Variants in ERC1 observed in about 807,000 individuals in gnomAD.
The protein encoded by ERC1 is ELKS/RAB6-interacting/CAST family member 1.
A neutral mutation model predicts 132.0 loss-of-function variants in ERC1; 56 were observed. That is an observed-to-expected ratio of 0.42 (90% CI 0.34 to 0.53). The LOEUF is 0.53. ERC1 is among the 20% of genes least tolerant of loss of function. ERC1 has a pLI of 0.03. For missense variants in ERC1, 1,202 were observed against 1,349.9 expected (o/e 0.89, Z 1.72); for synonymous variants, 478 against 476.1 (o/e 1.00, Z -0.05).
chr12:1,356,199 CAAA>C (rs559125501), intron 15 of ERC1, among the ~76,000 whole-genome samples: 5 of 110,584 alleles, frequency 4.5e-5, no homozygotes, highest in South Asian at 3.0e-4. Context: ...GTGAGACTGT[CAAA>C]AAAAAAAAAA....
intron 15 of ERC1, among the ~76,000 whole-genome samples, chr12:1,293,730 TAACC>T (rs1482316683): frequency 6.6e-6 from 1 of 151,896 alleles, no homozygotes; most frequent in Non-Finnish European, 1.5e-5. Context: ...TGTAAATAGT[TAACC>T]AAATTATATC....
rs1278677788 is a variant in ERC1 at position 1,373,913 on chromosome 12, G to A, written c.2925+1936G>A. On this transcript the variant is annotated intron_variant, in intron 16 of 18. Coordinates refer to ENST00000360905, the MANE Select transcript of ERC1 (RefSeq NM_178040.4). ...CATGCCTTGAATTTTCTGTAGCGATGTGTCCTGTATGAAGAGAAAAATAAT... is the reference window on the plus strand; with the variant it reads ...CATGCCTTGAATTTTCTGTAGCGATATGTCCTGTATGAAGAGAAAAATAAT... 3.3e-5 allele frequency among the ~76,000 whole-genome samples: 5 copies of A among 152,232 alleles called. No individual in the cohort carries two copies. In the East Asian group the frequency reaches 7.7e-4, roughly 23 times the overall value.
At chr12:1,464,582 C>T (rs55888927) in intron 18 of ERC1, among the ~76,000 whole-genome samples, 7,336 of 131,436 alleles carry the variant, frequency 0.056, 227 homozygotes, top group African/African-American at 0.073. Context: ...TTCAGTGGAG[C>T]GATCTCAGCT....
At chr12:1,267,120 A>G (rs1403925163) in intron 14 of ERC1, among the ~76,000 whole-genome samples, 1 of 152,218 alleles carries the variant, frequency 6.6e-6, no homozygotes, top group Non-Finnish European at 1.5e-5. Context: ...AGCCCATGCT[A>G]GAAATTTAGA....
intron 3 of ERC1, among the ~76,000 whole-genome samples, chr12:1,084,629 T>C (rs1341429625): frequency 6.6e-6 from 1 of 152,114 alleles, no homozygotes; most frequent in Non-Finnish European, 1.5e-5. Context: ...AAAGTATTGT[T>C]ACCTAGTAGT....
intron 12 of ERC1, among the ~76,000 whole-genome samples, chr12:1,225,469 C>CACACACACAG (rs2074501031): frequency 6.6e-6 from 1 of 151,652 alleles, no homozygotes; most frequent in South Asian, 2.1e-4. Context: ...CACACACACA[C>CACACACACAG]ACACACACAC....
At chr12:1,485,137 C>T (rs2094183874) in intron 18 of ERC1, among the ~76,000 whole-genome samples, 1 of 151,658 alleles carries the variant, frequency 6.6e-6, no homozygotes, top group Non-Finnish European at 1.5e-5. Flanking sequence ...GATCTGCCTG[C>T]CTCAGCCTCC....
rs56939346 is a variant in ERC1, at chr12:1,493,548, A to AAAAAAATATAT, written c.*3319_*3320insAAAAATATATA. The stretch of plus-strand genomic sequence containing the variant: ...ACTCCATTTAAAAAAAAAAAAAAAA[A>AAAAAAATATAT]ATATATATATATATATATATATATA... On this transcript the variant is annotated 3_prime_UTR_variant, in exon 19 of 19. Transcript: ENST00000360905. 2.2e-4 allele frequency: 3 copies of AAAAAAATATAT among 13,618 alleles called. No individual in the cohort carries two copies. The highest frequency in any genetic ancestry group is 4.4e-4 in the Non-Finnish European group (3 of 6,820). 0.8% of individuals were successfully genotyped at this position (13,618 alleles called of 1,614,324 possible). A position where few individuals can be genotyped will look rare whatever the true frequency, so the allele number is the denominator to read the frequency against.
intron 15 of ERC1, among the ~76,000 whole-genome samples, chr12:1,292,296 G>C (rs929954999): frequency 1.3e-5 from 2 of 152,178 alleles, no homozygotes; most frequent in Non-Finnish European, 1.5e-5. Flanking sequence ...TGAGAGTTTA[G>C]AGCTATTCAA....
chr12:1,317,871 G>A (rs1423477184), intron 15 of ERC1, among the ~76,000 whole-genome samples: 4 of 152,236 alleles, frequency 2.6e-5, no homozygotes, highest in African/African-American at 9.6e-5. Context: ...TCACCTAGCA[G>A]ACTTGAGTGT....
intron 13 of ERC1, chr12:1,244,776 CTA>C: frequency 5.8e-5 from 16 of 273,760 alleles, no homozygotes; most frequent in Non-Finnish European, 9.6e-5. Flanking sequence ...GCCTCGGCCT[CTA>C]CAAGTGCTGG....
intron 12 of ERC1, among the ~76,000 whole-genome samples, chr12:1,200,511 G>A (rs1162585466): frequency 6.6e-6 from 1 of 151,812 alleles, no homozygotes. Flanking sequence ...TTATAAAAGA[G>A]AAGTAGCACT....
At chr12:999,150 G>A (rs1250933966) in intron 1 of ERC1, among the ~76,000 whole-genome samples, 1 of 152,116 alleles carries the variant, frequency 6.6e-6, no homozygotes, top group Non-Finnish European at 1.5e-5. Flanking sequence ...GTGAGCCACC[G>A]TGCCTGGCCT....
intron 1 of ERC1, among the ~76,000 whole-genome samples, chr12:1,006,385 C>T (rs900760839): frequency 6.6e-6 from 1 of 152,106 alleles, no homozygotes; most frequent in African/African-American, 2.4e-5. Context: ...AGGCATGCGC[C>T]AGCATGCCTG....
At chr12:1,227,657 G>A (rs188861087) in intron 12 of ERC1, among the ~76,000 whole-genome samples, 127 of 152,152 alleles carry the variant, frequency 8.3e-4, no homozygotes, top group African/African-American at 2.9e-3. Context: ...TTAGTTTGAC[G>A]CAGTCCCATT....
intron 15 of ERC1, among the ~76,000 whole-genome samples, chr12:1,332,804 TAATA>T (rs1276521693): frequency 1.3e-5 from 2 of 152,114 alleles, no homozygotes; most frequent in African/African-American, 4.8e-5. Flanking sequence ...GTGGGGAAAA[TAATA>T]AACTGCATGT....
intron 1 of ERC1, among the ~76,000 whole-genome samples, chr12:1,009,336 G>A (rs947616748): frequency 2.6e-5 from 4 of 151,968 alleles, no homozygotes; most frequent in Non-Finnish European, 5.9e-5. Flanking sequence ...CACCACGCCC[G>A]GCTAATTTTT....
At chr12:1,066,186 A>G (rs1414415199) in intron 2 of ERC1, among the ~76,000 whole-genome samples, 1 of 152,268 alleles carries the variant, frequency 6.6e-6, no homozygotes, top group East Asian at 1.9e-4. Context: ...ACCTCAATAC[A>G]TTATTTTTTA....
intron 2 of ERC1, among the ~76,000 whole-genome samples, chr12:1,036,965 G>A (rs1303559397): frequency 1.3e-5 from 2 of 152,132 alleles, no homozygotes; most frequent in African/African-American, 2.4e-5. Flanking sequence ...CAATCATTTC[G>A]AGAAGCAAAA....
Sources: allele counts gnomAD v4.1 joint callset (sites outside exome capture counted in the v4.1 genomes callset), GRCh38; gene constraint gnomAD v4.1.1; transcripts MANE v1.5; gene names NCBI Gene and HGNC (gene_info 2026-07-23, HGNC 2026-07-21).